SPAG16: variants seen among roughly 807,000 people sequenced by gnomAD.
The protein encoded by SPAG16 is sperm associated antigen 16, also known as sperm-associated antigen 16 protein.
In SPAG16, 86 loss-of-function variants were observed where a neutral mutation model predicts 80.4. The ratio of observed to expected loss-of-function variants is 1.07; its 90% CI spans 0.90 to 1.28. The LOEUF is 1.28. Ranked by LOEUF, SPAG16 falls within the 50% of genes most tolerant of loss-of-function variation. The pLI, the probability that SPAG16 is intolerant of heterozygous loss-of-function variation, is 0.00. For synonymous variants in SPAG16, 294 were observed against 265.9 expected (o/e 1.11, Z -1.03); for missense variants, 870 against 765.3 (o/e 1.14, Z -1.61).
intron 10 of SPAG16, among the ~76,000 whole-genome samples, chr2:213,494,651 A>G (rs1197026690): frequency 2.0e-5 from 3 of 152,224 alleles, no homozygotes; most frequent in African/African-American, 7.2e-5. Flanking sequence ...CAATAGCCAA[A>G]CATATTTTGA....
At chr2:213,407,513 C>A (rs778022430) in intron 9 of SPAG16, among the ~76,000 whole-genome samples, 1 of 151,834 alleles carries the variant, frequency 6.6e-6, no homozygotes, top group Non-Finnish European at 1.5e-5. Context: ...ACAACCCCCC[C>A]GTTCAACCCC....
At chr2:213,508,918 T>TAA (rs545958429) in intron 10 of SPAG16, among the ~76,000 whole-genome samples, 4 of 144,342 alleles carry the variant, frequency 2.8e-5, no homozygotes, top group African/African-American at 1.0e-4. Flanking sequence ...AAAGTATAAT[T>TAA]AAAAAAAAAA....
chr2:214,319,502 GA>G (rs3044978), intron 15 of SPAG16, among the ~76,000 whole-genome samples: 30,686 of 145,512 alleles, frequency 0.21, 3,849 homozygotes, highest in African/African-American at 0.35. Context: ...AGATCCACTG[GA>G]AAAAAAAAAA....
At chr2:213,731,227 G>A (rs1312975680) in intron 10 of SPAG16, among the ~76,000 whole-genome samples, 1 of 138,662 alleles carries the variant, frequency 7.2e-6, no homozygotes, top group African/African-American at 2.6e-5. Flanking sequence ...CGCGATCTCA[G>A]CTCACTGCAA....
intron 10 of SPAG16, among the ~76,000 whole-genome samples, chr2:213,815,731 C>T (rs1356640200): frequency 6.6e-6 from 1 of 151,962 alleles, no homozygotes; most frequent in African/African-American, 2.4e-5. Context: ...AAAGTAACCA[C>T]AAATGAAATG....
intron 4 of SPAG16, 142 bp downstream of exon 4, chr2:213,310,319 AACACACAC>A (rs59407158): frequency 0.1 from 35,887 of 345,612 alleles, 2,446 homozygotes; most frequent in Middle Eastern, 0.15. Context: ...CTGAAACCAC[AACACACAC>A]ACACACACAC....
At chr2:214,408,683 G>A (rs1007035392) in intron 15 of SPAG16, among the ~76,000 whole-genome samples, 2 of 152,098 alleles carry the variant, frequency 1.3e-5, no homozygotes, top group Admixed American at 1.3e-4. Context: ...ATGGACCAAT[G>A]CTATTTTCAC....
chr2:213,909,143 T>C (rs901306863), intron 11 of SPAG16, among the ~76,000 whole-genome samples: 2 of 152,102 alleles, frequency 1.3e-5, no homozygotes, highest in African/African-American at 4.8e-5. Flanking sequence ...TCAAAGAGAA[T>C]AAAATACTTA....
intron 10 of SPAG16, among the ~76,000 whole-genome samples, chr2:213,751,021 T>C (rs539805875): frequency 2.0e-5 from 3 of 152,346 alleles, no homozygotes; most frequent in Admixed American, 6.5e-5. Context: ...CAGAAAGTTA[T>C]TTAAAATTTC....
intron 10 of SPAG16, among the ~76,000 whole-genome samples, chr2:213,623,645 G>A (rs115800747): frequency 0.022 from 3,415 of 152,120 alleles, 133 homozygotes; most frequent in African/African-American, 0.079. Context: ...TGGATGAAGA[G>A]ACAAATTGTT....
rs893810947 is a variant in SPAG16 at position 213,880,652 on chromosome 2, A to G, written c.1214+18024A>G. Among the ~76,000 whole-genome samples, 6 of 152,186 alleles carry G rather than the reference A, an allele frequency of 3.9e-5. No individual in the cohort carries two copies. The South Asian group carries it at 6.2e-4, about 16-fold the overall frequency. On this transcript the variant is annotated intron_variant, in intron 11 of 15. Coordinates refer to ENST00000331683, the MANE Select transcript of SPAG16 (RefSeq NM_024532.5). ...TAACACATTTTGAGTTAATTTTTAT[A>G]TATGATGAAAGGTAAGGGTCCAGTT...
chr2:213,980,736 A>C (rs1475190018), intron 12 of SPAG16, among the ~76,000 whole-genome samples: 1 of 142,102 alleles, frequency 7.0e-6, no homozygotes, highest in Admixed American at 7.2e-5. Context: ...AGAGAGAGAG[A>C]GAGAGAGAGA....
chr2:213,644,947 G>A (rs528594368), intron 10 of SPAG16, among the ~76,000 whole-genome samples: 4 of 152,208 alleles, frequency 2.6e-5, no homozygotes, highest in African/African-American at 7.2e-5. Context: ...TCAGGGTGGC[G>A]ATGTCCCTCA....
intron 8 of SPAG16, among the ~76,000 whole-genome samples, chr2:213,371,633 A>G (rs1239513753): frequency 6.6e-6 from 1 of 152,076 alleles, no homozygotes; most frequent in Non-Finnish European, 1.5e-5. Flanking sequence ...CTTCAAATTA[A>G]ACATTATTTA....
At chr2:213,444,124 G>A (rs1298478300) in intron 9 of SPAG16, among the ~76,000 whole-genome samples, 1 of 152,126 alleles carries the variant, frequency 6.6e-6, no homozygotes, top group Non-Finnish European at 1.5e-5. Context: ...AGACACAAAC[G>A]CTGAATCATT....
At chr2:213,921,260 T>C (rs2078211086) in intron 11 of SPAG16, among the ~76,000 whole-genome samples, 1 of 152,242 alleles carries the variant, frequency 6.6e-6, no homozygotes, top group South Asian at 2.1e-4. Flanking sequence ...ATTGCCATTA[T>C]ATAGTGCTCT....
Position 214,317,299 on chromosome 2 carries a change from TACTGCC to T in SPAG16, c.1721-92837_1721-92832del, listed in dbSNP as rs545128607. 3.2e-3 allele frequency among the ~76,000 whole-genome samples: 493 copies of T among 152,332 alleles called. 2 individuals carry two copies. Among genetic ancestry groups the T allele is most frequent in the Non-Finnish European group, 5.8e-3 (394 of 68,026 alleles). The stretch of plus-strand genomic sequence containing the variant: ...GCCTAATGTTCTTTCCACTTCATTT[TACTGCC>T]ACTAAGTCCAAGTCATTAACATTAA... On this transcript the variant is annotated intron_variant, in intron 15 of 15. Transcript: ENST00000331683.
At chr2:214,269,486 C>A (rs1279390272) in intron 15 of SPAG16, among the ~76,000 whole-genome samples, 1 of 151,928 alleles carries the variant, frequency 6.6e-6, no homozygotes, top group African/African-American at 2.4e-5. Flanking sequence ...GCTTAAATGA[C>A]ATTATTATTT....
intron 15 of SPAG16, chr2:214,240,728 T>G (rs1689401392): frequency 6.6e-6 from 1 of 152,160 alleles, no homozygotes; most frequent in Non-Finnish European, 1.5e-5. Flanking sequence ...AAGATTATAA[T>G]GCAAATCAGT....
Sources: allele counts gnomAD v4.1 joint callset (sites outside exome capture counted in the v4.1 genomes callset), GRCh38; gene constraint gnomAD v4.1.1; transcripts MANE v1.5; gene names NCBI Gene and HGNC (gene_info 2026-07-23, HGNC 2026-07-21).